NTN1: variants seen among roughly 807,000 people sequenced by gnomAD.
NTN1 encodes netrin-1.
NTN1 carries 11 observed loss-of-function variants against 54.2 expected under a neutral mutation model. The observed-to-expected ratio is 0.20, with a 90% CI of 0.13 to 0.34. NTN1 has a LOEUF of 0.34. Among genes scored for constraint, NTN1 ranks in the 10% least tolerant of loss-of-function variants. The pLI is 1.00. For synonymous variants in NTN1, 371 were observed against 382.0 expected (o/e 0.97, Z 0.33); for missense variants, 740 against 893.1 (o/e 0.83, Z 2.18).
chr17:9,028,608 A>T (rs1326698200), intron 2 of NTN1, among the ~76,000 whole-genome samples: 1 of 152,206 alleles, frequency 6.6e-6, no homozygotes, highest in Non-Finnish European at 1.5e-5. Flanking sequence ...AATATTGGAA[A>T]GGCAGTGGGT....
intron 2 of NTN1, among the ~76,000 whole-genome samples, chr17:9,102,809 T>TA (rs1425204274): frequency 1.3e-5 from 2 of 152,230 alleles, no homozygotes; most frequent in African/African-American, 4.8e-5. Flanking sequence ...GAATAGCCTA[T>TA]AACTACATGC....
At chr17:9,204,913 G>C (rs1393353620) in intron 5 of NTN1, among the ~76,000 whole-genome samples, 6 of 148,136 alleles carry the variant, frequency 4.1e-5, no homozygotes, top group African/African-American at 1.5e-4. Flanking sequence ...CTTTCCATCA[G>C]TGCTGTCAAC....
At chr17:9,115,857 C>T (rs535669843) in intron 2 of NTN1, among the ~76,000 whole-genome samples, 5 of 152,358 alleles carry the variant, frequency 3.3e-5, no homozygotes, top group Admixed American at 1.3e-4. Context: ...GCCGTGTACT[C>T]GCCGTCTCCG....
chr17:9,116,364 CT>C (rs1197597740), intron 2 of NTN1, among the ~76,000 whole-genome samples: 1 of 148,730 alleles, frequency 6.7e-6, no homozygotes, highest in Non-Finnish European at 1.5e-5. Context: ...ATCCCTGGGC[CT>C]TAGCCTCCCC....
intron 2 of NTN1, among the ~76,000 whole-genome samples, chr17:9,130,450 C>T (rs1337274209): frequency 1.3e-5 from 2 of 152,082 alleles, no homozygotes; most frequent in East Asian, 1.9e-4. Flanking sequence ...GTGAGAGGCC[C>T]CGTGTCTGTC....
At position 9,237,450 on chromosome 17, in the gene NTN1, C is replaced by T. The variant is rs190919893; in HGVS notation, c.1487-2190C>T. 3.9e-5 allele frequency among the ~76,000 whole-genome samples: 6 copies of T among 152,248 alleles called. No homozygotes were observed. The East Asian group carries it at 9.7e-4, about 25-fold the overall frequency. ...TCCAAGTAAAGTCACCCTGTGAAGT[C>T]CAGGGGGTTAAGGTGTAAGGTTTCA... On this transcript the variant is annotated intron_variant, in intron 6 of 6. Transcript: ENST00000173229.
At chr17:9,156,287 T>C (rs2092342061) in intron 2 of NTN1, among the ~76,000 whole-genome samples, 2 of 150,242 alleles carry the variant, frequency 1.3e-5, no homozygotes, top group African/African-American at 4.9e-5. Flanking sequence ...AGAGATAACA[T>C]GGTCAGTCTT....
At chr17:9,237,393 TG>T (rs1025755859) in intron 6 of NTN1, among the ~76,000 whole-genome samples, 1 of 152,186 alleles carries the variant, frequency 6.6e-6, no homozygotes, top group African/African-American at 2.4e-5. Context: ...AAAATTTTAA[TG>T]GGTAGTTAAT....
At chr17:9,188,300 T>C (rs897813815) in intron 5 of NTN1, among the ~76,000 whole-genome samples, 5 of 151,912 alleles carry the variant, frequency 3.3e-5, no homozygotes, top group Admixed American at 2.0e-4. Context: ...TGGTGGTGCA[T>C]GCCTATAATC....
chr17:9,210,200 C>A (rs926167535), intron 5 of NTN1, among the ~76,000 whole-genome samples: 2 of 152,086 alleles, frequency 1.3e-5, no homozygotes, highest in Admixed American at 1.3e-4. Context: ...TGCCTCAGGG[C>A]CTTTGCACAG....
At chr17:9,036,534 T>TTTC (rs2091904219) in intron 2 of NTN1, among the ~76,000 whole-genome samples, 3 of 152,004 alleles carry the variant, frequency 2.0e-5, no homozygotes, top group Admixed American at 1.3e-4. Flanking sequence ...GTGCTTAGAT[T>TTTC]ACAGGCATGA....
intron 2 of NTN1, among the ~76,000 whole-genome samples, chr17:9,143,972 C>A (rs1485801670): frequency 6.6e-6 from 1 of 151,844 alleles, no homozygotes; most frequent in Non-Finnish European, 1.5e-5. Flanking sequence ...TCTCGGCCCA[C>A]TGCAAGTCCA....
chr17:9,145,677 G>C (rs1232715994), intron 2 of NTN1, among the ~76,000 whole-genome samples: 2 of 152,186 alleles, frequency 1.3e-5, no homozygotes, highest in Non-Finnish European at 2.9e-5. Context: ...AGCACTTTGG[G>C]AGGCCGAGGT....
intron 2 of NTN1, among the ~76,000 whole-genome samples, chr17:9,134,132 T>G (rs1282468506): frequency 2.6e-5 from 4 of 151,970 alleles, no homozygotes; most frequent in African/African-American, 9.7e-5. Context: ...CTTGAACTCC[T>G]GACCTTGTGA....
intron 2 of NTN1, among the ~76,000 whole-genome samples, chr17:9,089,118 ATTAAG>A (rs2092099821): frequency 6.6e-6 from 1 of 152,108 alleles, no homozygotes; most frequent in Non-Finnish European, 1.5e-5. Flanking sequence ...TAGCTTTATT[ATTAAG>A]TTAAGGGTGC....
intron 2 of NTN1, among the ~76,000 whole-genome samples, chr17:9,100,186 G>GTA (rs1350096873): frequency 8.5e-5 from 3 of 35,272 alleles, no homozygotes; most frequent in African/African-American, 2.0e-4. Flanking sequence ...GTATATGTGT[G>GTA]TATATATATA....
intron 2 of NTN1, among the ~76,000 whole-genome samples, chr17:9,050,384 C>G (rs2091956610): frequency 6.6e-6 from 1 of 151,134 alleles, no homozygotes; most frequent in Non-Finnish European, 1.5e-5. Flanking sequence ...CAAACCCTAG[C>G]TGGGGCCAGG....
chr17:9,111,924 A>C (rs2142252554), intron 2 of NTN1, among the ~76,000 whole-genome samples: 1 of 152,344 alleles, frequency 6.6e-6, no homozygotes, highest in South Asian at 2.1e-4. Flanking sequence ...ATGGACCCAC[A>C]CAATTCAAAC....
At chr17:9,231,904 G>A (rs561093077) in intron 6 of NTN1, among the ~76,000 whole-genome samples, 1 of 152,284 alleles carries the variant, frequency 6.6e-6, no homozygotes, top group African/African-American at 2.4e-5. Flanking sequence ...CGCTGGCCTC[G>A]GGGCGGTTGG....
Sources: gnomAD v4.1 joint callset for allele counts (sites outside exome capture counted in the v4.1 genomes callset) on GRCh38, gnomAD v4.1.1 for gene constraint, MANE v1.5 for transcripts, NCBI Gene and HGNC (gene_info 2026-07-23, HGNC 2026-07-21) for gene names.